Variants in KCNU1 observed in about 807,000 individuals in gnomAD.
The protein encoded by KCNU1 is potassium calcium-activated channel subfamily U member 1, also known as potassium channel subfamily U member 1.
KCNU1 carries 93 observed loss-of-function variants against 126.8 expected under a neutral mutation model. That is an observed-to-expected ratio of 0.73 (90% CI 0.62 to 0.87). KCNU1 has a LOEUF of 0.87. Among genes scored for constraint, KCNU1 ranks in the 40% least tolerant of loss-of-function variants. KCNU1 has a pLI of 0.00. For synonymous variants in KCNU1, 523 were observed against 494.2 expected (o/e 1.06, Z -0.77); for missense variants, 1,330 against 1,367.1 (o/e 0.97, Z 0.43).
At chr8:36,804,196 CA>C in intron 3 of KCNU1, 108 bp downstream of exon 3, 1 of 719,708 alleles carries the variant, frequency 1.4e-6, no homozygotes, top group South Asian at 1.6e-5. Context: ...CACACACATG[CA>C]CGCACACACA....
At chr8:36,822,422 C>T (rs1427692797) in intron 10 of KCNU1, among the ~76,000 whole-genome samples, 1 of 151,940 alleles carries the variant, frequency 6.6e-6, no homozygotes, top group Non-Finnish European at 1.5e-5. Context: ...CTAACAAAAC[C>T]ACAGGGAACA....
At chr8:36,918,670 A>AT (rs1808219127) in intron 22 of KCNU1, among the ~76,000 whole-genome samples, 153 bp from the exon 23 acceptor site, 1 of 152,136 alleles carries the variant, frequency 6.6e-6, no homozygotes, top group African/African-American at 2.4e-5. Flanking sequence ...CCACATAACA[A>AT]TTTTTTGTCT....
At chr8:36,858,979 CACTCCAGCTGGA>C (rs1805632672) in intron 18 of KCNU1, among the ~76,000 whole-genome samples, 1 of 152,144 alleles carries the variant, frequency 6.6e-6, no homozygotes, top group African/African-American at 2.4e-5. Flanking sequence ...AAGTCTATTC[CACTCCAGCTGGA>C]ACTCTATTAA....
At chr8:36,873,860 G>C (rs909599552) in intron 19 of KCNU1, among the ~76,000 whole-genome samples, 1 of 152,094 alleles carries the variant, frequency 6.6e-6, no homozygotes, top group African/African-American at 2.4e-5. Flanking sequence ...GTTAATATAA[G>C]TGAAAATGTA....
intron 18 of KCNU1, among the ~76,000 whole-genome samples, chr8:36,857,800 C>T (rs555319797): frequency 6.6e-6 from 1 of 151,942 alleles, no homozygotes; most frequent in South Asian, 2.1e-4. Flanking sequence ...CGCTTGCCAC[C>T]ACATGCAGCT....
intron 14 of KCNU1, among the ~76,000 whole-genome samples, chr8:36,838,015 C>G (rs1010648785): frequency 6.6e-6 from 1 of 152,162 alleles, no homozygotes; most frequent in Non-Finnish European, 1.5e-5. Context: ...CTCTGGCCAG[C>G]TATATCCTAA....
chr8:36,909,533 C>T lies in KCNU1; in HGVS notation c.2329C>T (p.Pro777Ser). ...GAATTTTCCCCAGATATACATTCTG[C>T]CTGTAAGTATCATATAAGGAAAAGT... is the stretch of plus-strand genomic sequence containing the variant. ...LWNFPQIYIL[P>S]GCALYSGDLH... Residue 777 changes from proline (P) to serine (S), a missense_variant and splice_region_variant, in exon 21 of 27, where the codon CCT (proline) becomes TCT (serine). Around this residue, in one of 3 missense-constraint regions of KCNU1, gnomAD observed 1,054 missense variants for 1,053.9 expected, o/e 1.00. Transcript: ENST00000399881. The T allele has an allele frequency of 6.6e-7, 1 of 1,526,682 alleles. No homozygotes were observed. The allele number at this position is 1,526,682 out of a possible 1,614,324, so 94.6% of individuals were successfully genotyped here.
At chr8:36,864,031 C>T (rs1019679834) in intron 18 of KCNU1, among the ~76,000 whole-genome samples, 6 of 152,222 alleles carry the variant, frequency 3.9e-5, no homozygotes, top group African/African-American at 1.4e-4. Context: ...CAAGCCTGGG[C>T]AGCATCTGCA....
At chr8:36,811,371 G>A (rs573511763) in intron 7 of KCNU1, among the ~76,000 whole-genome samples, 8 of 152,088 alleles carry the variant, frequency 5.3e-5, no homozygotes, top group South Asian at 2.1e-4. Flanking sequence ...GATAATCCAA[G>A]CAGAACAAAA....
intron 22 of KCNU1, among the ~76,000 whole-genome samples, chr8:36,915,748 C>T (rs554427658): frequency 6.6e-6 from 1 of 152,122 alleles, no homozygotes; most frequent in Admixed American, 6.5e-5. Context: ...GAGAAGCCCC[C>T]CTTTGGGACC....
chr8:36,799,391 G>A (rs2406947), intron 2 of KCNU1, among the ~76,000 whole-genome samples: 1 of 151,408 alleles, frequency 6.6e-6, no homozygotes, highest in African/African-American at 2.4e-5. Context: ...TTTCGATCTA[G>A]ACTCAGGTTA....
chr8:36,838,540 T>TA (rs1191733040), intron 14 of KCNU1, among the ~76,000 whole-genome samples: 3 of 151,760 alleles, frequency 2.0e-5, no homozygotes, highest in Non-Finnish European at 4.4e-5. Context: ...AAAATATATA[T>TA]AAAAAAATTA....
At chr8:36,920,821 C>A (rs925054244) in intron 23 of KCNU1, among the ~76,000 whole-genome samples, 6 of 152,148 alleles carry the variant, frequency 3.9e-5, no homozygotes, top group African/African-American at 1.4e-4. Context: ...ATTAGTCATA[C>A]CTTGCTCATC....
intron 19 of KCNU1, among the ~76,000 whole-genome samples, chr8:36,902,467 C>A (rs1453864879): frequency 6.6e-6 from 1 of 151,880 alleles, no homozygotes; most frequent in Middle Eastern, 3.2e-3. Flanking sequence ...AGAAAGTGAC[C>A]AGAAGGAAAG....
chr8:36,897,374 C>T (rs1290229311), intron 19 of KCNU1, among the ~76,000 whole-genome samples: 2 of 151,888 alleles, frequency 1.3e-5, no homozygotes, highest in Non-Finnish European at 2.9e-5. Context: ...AAGTACAAAA[C>T]ATTTACAAGG....
intron 3 of KCNU1, 68 bp from the exon 4 acceptor site, chr8:36,805,127 A>T: frequency 2.8e-6 from 3 of 1,071,538 alleles, no homozygotes; most frequent in Non-Finnish European, 4.2e-6. Context: ...CTTTCCCTTT[A>T]GTTGGTCTTA....
In KCNU1 at chr8:36,807,899, C is replaced by A. The variant is rs1054288384; in HGVS notation, c.656+449C>A. 2.7e-4 allele frequency among the ~76,000 whole-genome samples: 41 copies of A among 152,116 alleles called. 1 individual carries two copies. The highest frequency in any genetic ancestry group is 1.3e-4 in the Non-Finnish European group (9 of 68,032). On this transcript the variant is annotated intron_variant, in intron 6 of 26. Transcript: ENST00000399881. ...TTACCCAGCAGCAGCAAGCAGTGAA[C>A]TATTGCTTGCAGAAATATAGCCACC...
At chr8:36,877,221 A>C (rs1806307450) in intron 19 of KCNU1, among the ~76,000 whole-genome samples, 1 of 152,034 alleles carries the variant, frequency 6.6e-6, no homozygotes, top group Non-Finnish European at 1.5e-5. Context: ...AGATGTGAGA[A>C]GGGTTTCTCT....
intron 2 of KCNU1, among the ~76,000 whole-genome samples, chr8:36,798,095 T>C (rs1803172274): frequency 6.6e-6 from 1 of 152,198 alleles, no homozygotes; most frequent in African/African-American, 2.4e-5. Context: ...TGTACTTGGT[T>C]CTTGTTTCCA....
Sources: gnomAD v4.1 joint callset for allele counts (sites outside exome capture counted in the v4.1 genomes callset) on GRCh38, gnomAD v4.1.1 for gene constraint, gnomAD v4.1.1 regional missense constraint, MANE v1.5 for transcripts, NCBI Gene and HGNC (gene_info 2026-07-23, HGNC 2026-07-21) for gene names.